Variants in ZPBP observed in about 807,000 individuals in gnomAD.
The protein encoded by ZPBP is zona pellucida binding protein.
Under a neutral mutation model 44.8 loss-of-function variants are expected in ZPBP, and 26 were observed. That is an observed-to-expected ratio of 0.58 (90% CI 0.43 to 0.81). The LOEUF is 0.81. ZPBP is among the 30% of genes least tolerant of loss of function. ZPBP has a pLI of 0.00. For synonymous variants in ZPBP, 174 were observed against 153.2 expected (o/e 1.14, Z -1.00); for missense variants, 409 against 434.0 (o/e 0.94, Z 0.51).
intron 6 of ZPBP, among the ~76,000 whole-genome samples, chr7:49,989,245 T>G (rs1468587410): frequency 1.3e-5 from 2 of 152,292 alleles, no homozygotes; most frequent in East Asian, 3.9e-4. Context: ...TCATACCTTG[T>G]GTACACAGTC....
chr7:49,959,248 A>G (rs1371400025), intron 7 of ZPBP, among the ~76,000 whole-genome samples: 1 of 113,524 alleles, frequency 8.8e-6, no homozygotes, highest in Admixed American at 1.0e-4. Context: ...GGACCTAGTC[A>G]TTGCAATAAA....
At chr7:50,012,401 A>G (rs1376519828) in intron 6 of ZPBP, among the ~76,000 whole-genome samples, 1 of 152,098 alleles carries the variant, frequency 6.6e-6, no homozygotes, top group East Asian at 1.9e-4. Flanking sequence ...AAACATTTTC[A>G]GAAAATATAA....
intron 7 of ZPBP, among the ~76,000 whole-genome samples, chr7:49,938,907 C>G (rs1190236470): frequency 2.0e-5 from 3 of 151,930 alleles, no homozygotes; most frequent in Non-Finnish European, 2.9e-5. Flanking sequence ...TGTATTTTTC[C>G]AAATTGGGAA....
intron 7 of ZPBP, among the ~76,000 whole-genome samples, chr7:49,968,002 C>G (rs1300642897): frequency 1.3e-5 from 2 of 151,758 alleles, no homozygotes; most frequent in Non-Finnish European, 2.9e-5. Context: ...AAACAGTATA[C>G]TATAATATAC....
At chr7:49,995,808 G>A (rs1423152587) in intron 6 of ZPBP, among the ~76,000 whole-genome samples, 1 of 152,164 alleles carries the variant, frequency 6.6e-6, no homozygotes, top group Non-Finnish European at 1.5e-5. Flanking sequence ...TCGTATGTGG[G>A]AACGAAAAAG....
intron 6 of ZPBP, among the ~76,000 whole-genome samples, chr7:50,013,502 T>C (rs1006392909): frequency 6.6e-6 from 1 of 152,048 alleles, no homozygotes; most frequent in Admixed American, 6.6e-5. Flanking sequence ...TATTATACTA[T>C]TTCCAATTCT....
chr7:49,882,760 T>G (rs879846409), intron 2 of ZPBP, among the ~76,000 whole-genome samples: 1 of 152,194 alleles, frequency 6.6e-6, no homozygotes, highest in South Asian at 2.1e-4. Context: ...AAAATTGTAT[T>G]TAAAAGAATC....
intron 4 of ZPBP, among the ~76,000 whole-genome samples, chr7:50,040,401 T>G (rs539042775): frequency 2.6e-5 from 4 of 152,280 alleles, no homozygotes; most frequent in Admixed American, 2.6e-4. Flanking sequence ...ATAGCTCCGG[T>G]CTGCAGTTCC....
chr7:49,967,777 C>A (rs1796120446), intron 7 of ZPBP, among the ~76,000 whole-genome samples: 1 of 152,132 alleles, frequency 6.6e-6, no homozygotes. Context: ...AACTCCTGAC[C>A]TCAGGTGATC....
At chr7:49,972,926 T>C (rs2365791) in intron 7 of ZPBP, among the ~76,000 whole-genome samples, 118,062 of 151,820 alleles carry the variant, frequency 0.78, 46,073 homozygotes, top group East Asian at 0.89. Context: ...AAACCACTTG[T>C]ATAAATTGTC....
chr7:50,057,186 C>CA (rs200305836), intron 4 of ZPBP, among the ~76,000 whole-genome samples: 3,633 of 93,806 alleles, frequency 0.039, 70 homozygotes, highest in Middle Eastern at 0.067. Context: ...GACTCCATCT[C>CA]AAAAAAAAAA....
intron 3 of ZPBP, among the ~76,000 whole-genome samples, chr7:50,065,645 T>C (rs1444362400): frequency 6.6e-6 from 1 of 150,796 alleles, no homozygotes; most frequent in Admixed American, 6.6e-5. Flanking sequence ...TGGCCACTGG[T>C]CTCCCATTTT....
At chr7:49,924,462 T>C (rs1441575752) in intron 1 of ZPBP, among the ~76,000 whole-genome samples, 2 of 152,200 alleles carry the variant, frequency 1.3e-5, no homozygotes, top group Non-Finnish European at 2.9e-5. Flanking sequence ...TAAATCCTGA[T>C]AATTCAATTA....
chr7:49,849,677 G>T (rs2128716050), downstream of ZPBP, among the ~76,000 whole-genome samples: 1 of 152,334 alleles, frequency 6.6e-6, no homozygotes, highest in African/African-American at 2.4e-5. Flanking sequence ...TCACCATTTG[G>T]TAGTGCCCTA....
rs533558931 is a variant in ZPBP, at chr7:49,998,820, CTT to C, written c.784-15303_784-15302del. On this transcript the variant is annotated intron_variant, in intron 6 of 7. Coordinates refer to ENST00000046087, the MANE Select transcript of ZPBP (RefSeq NM_007009.3). ...AAAATTCTGTTCCTCTAGAACCGCT[CTT>C]GTTACCAAAAACAGTATTAGTTGGG... Among the ~76,000 whole-genome samples, 472 of 152,168 alleles carry C rather than the reference CTT, an allele frequency of 3.1e-3. 2 individuals are homozygous for C. Among genetic ancestry groups the C allele is most frequent in the African/African-American group, 0.01 (428 of 41,526 alleles).
chr7:50,007,859 G>C (rs776469805), intron 6 of ZPBP, among the ~76,000 whole-genome samples: 1 of 151,690 alleles, frequency 6.6e-6, no homozygotes, highest in Non-Finnish European at 1.5e-5. Flanking sequence ...CAGAATAAAA[G>C]AAAACTACTT....
intron 7 of ZPBP, among the ~76,000 whole-genome samples, chr7:49,981,780 TTATA>T (rs1405920625): frequency 1.0e-5 from 1 of 97,354 alleles, no homozygotes; most frequent in Non-Finnish European, 1.8e-5. Context: ...ATTATATGAA[TTATA>T]TAGATTATAT....
chr7:50,091,695 C>A (rs936814899), intron 1 of ZPBP, among the ~76,000 whole-genome samples: 1 of 152,154 alleles, frequency 6.6e-6, no homozygotes, highest in African/African-American at 2.4e-5. Flanking sequence ...ATACCTTGCA[C>A]ATTGTAAATA....
intron 6 of ZPBP, among the ~76,000 whole-genome samples, chr7:49,986,044 T>C (rs868500503): frequency 8.5e-5 from 13 of 152,166 alleles, no homozygotes; most frequent in Non-Finnish European, 1.0e-4. Flanking sequence ...ATGCACCTAA[T>C]TTTTCCTGGT....
Sources: gnomAD v4.1 joint callset for allele counts (sites outside exome capture counted in the v4.1 genomes callset) on GRCh38, gnomAD v4.1.1 for gene constraint, MANE v1.5 for transcripts, NCBI Gene and HGNC (gene_info 2026-07-23, HGNC 2026-07-21) for gene names.